Variants in TMEM63C observed in about 807,000 individuals in gnomAD.
TMEM63C encodes the protein transmembrane protein 63C, also known as osmosensitive cation channel TMEM63C.
Under a neutral mutation model 99.2 loss-of-function variants are expected in TMEM63C, and 32 were observed. That is an observed-to-expected ratio of 0.32 (90% CI 0.24 to 0.43). The LOEUF (loss-of-function observed/expected upper bound fraction) is 0.43, where lower values mean the gene tolerates loss of function less well. Ranked by LOEUF, TMEM63C falls within the 20% of genes least tolerant of loss-of-function variation. TMEM63C has a pLI of 1.00. For missense variants in TMEM63C, 826 were observed against 1,053.0 expected (o/e 0.78, Z 2.98); for synonymous variants, 376 against 397.9 (o/e 0.94, Z 0.66).
chr14:77,207,542 G>A (rs1318122232), intron 1 of TMEM63C, among the ~76,000 whole-genome samples: 1 of 152,242 alleles, frequency 6.6e-6, no homozygotes, highest in Non-Finnish European at 1.5e-5. Flanking sequence ...TTCGGAGGCT[G>A]CGTGATGTAG....
intron 1 of TMEM63C, among the ~76,000 whole-genome samples, chr14:77,187,226 C>T (rs1392273745): frequency 6.6e-6 from 1 of 152,204 alleles, no homozygotes; most frequent in East Asian, 1.9e-4. Context: ...TGCCGTCCTC[C>T]CAAGCACAGC....
At chr14:77,224,341 T>G (rs981999069) in intron 5 of TMEM63C, among the ~76,000 whole-genome samples, 6 of 152,084 alleles carry the variant, frequency 3.9e-5, no homozygotes, top group Non-Finnish European at 7.4e-5. Context: ...TGATAGTTGC[T>G]TCCTTTTGGG....
intron 5 of TMEM63C, among the ~76,000 whole-genome samples, chr14:77,225,005 G>T (rs977953343): frequency 6.6e-6 from 1 of 152,150 alleles, no homozygotes. Context: ...CTTGGGTAAA[G>T]TTCCCATTGG....
At chr14:77,187,322 C>T (rs72725320) in intron 1 of TMEM63C, among the ~76,000 whole-genome samples, 4 of 152,188 alleles carry the variant, frequency 2.6e-5, no homozygotes, top group Non-Finnish European at 4.4e-5. Flanking sequence ...AAGAGAAGGT[C>T]GTGCGTTTCT....
intron 1 of TMEM63C, chr14:77,201,005 C>G (rs1594851415): frequency 8.1e-6 from 1 of 123,080 alleles, no homozygotes; most frequent in Admixed American, 9.0e-5. Context: ...TTTTTGGTAA[C>G]AGTTTAATAA....
chr14:77,246,529 G>T, intron 17 of TMEM63C, 80 bp from the exon 18 acceptor site: 1 of 1,227,332 alleles, frequency 8.1e-7, no homozygotes, highest in Non-Finnish European at 1.2e-6. Context: ...TTTGGAGATT[G>T]GGCAAGGGAG....
intron 21 of TMEM63C, among the ~76,000 whole-genome samples, chr14:77,250,028 T>C (rs1165668865): frequency 6.6e-6 from 1 of 152,068 alleles, no homozygotes; most frequent in Non-Finnish European, 1.5e-5. Context: ...AGAGATGAGG[T>C]CTCACTATGT....
chr14:77,242,295 C>G, intron 13 of TMEM63C, 52 bp from the exon 14 acceptor site: 2 of 1,596,228 alleles, frequency 1.3e-6, no homozygotes, highest in Non-Finnish European at 1.7e-6. Flanking sequence ...CCTCCTAAGC[C>G]CATCCCCCCA....
chr14:77,241,504 A>AG (rs1232523682), intron 13 of TMEM63C, among the ~76,000 whole-genome samples: 2 of 151,988 alleles, frequency 1.3e-5, no homozygotes, highest in Non-Finnish European at 2.9e-5. Context: ...TGTGGGGGGC[A>AG]GGGGGGCTCT....
chr14:77,194,644 A>C (rs777032793), intron 1 of TMEM63C, among the ~76,000 whole-genome samples: 118 of 150,562 alleles, frequency 7.8e-4, no homozygotes, highest in Non-Finnish European at 1.2e-3. Context: ...CACTATCATG[A>C]CTCACTGAAG....
intron 1 of TMEM63C, among the ~76,000 whole-genome samples, chr14:77,208,100 G>C (rs1448232959): frequency 3.3e-5 from 5 of 152,164 alleles, no homozygotes; most frequent in Admixed American, 2.6e-4. Context: ...GAACCTGCCT[G>C]GTCTTTGTAC....
At position 77,240,571 on chromosome 14, in the gene TMEM63C, A is replaced by G; in HGVS notation, c.1027A>G (p.Ile343Val). ...NRVPLKRLDL[I>V]FVTFQDSRMA... is the part of the protein sequence containing the mutation. Reference sequence around the variant, plus strand: ...CGTGCCGCTCAAGCGGCTGGACCTGATCTTTGTCACCTTCCAGGACTCCAG... The same window carrying G: ...CGTGCCGCTCAAGCGGCTGGACCTGGTCTTTGTCACCTTCCAGGACTCCAG... The change falls in exon 13 of 24, where the codon ATC becomes GTC. Residue 343 changes from isoleucine (I) to valine (V), a missense_variant. Physicochemically the swap from Ile to Val is conservative, Grantham distance 29. Transcript: ENST00000298351. 1 of 1,611,420 alleles carries G rather than the reference A, an allele frequency of 6.2e-7. No homozygotes were observed. Among genetic ancestry groups the G allele is most frequent in the Non-Finnish European group, 8.5e-7 (1 of 1,179,844 alleles).
chr14:77,214,105 C>T (rs1888539431), intron 2 of TMEM63C, among the ~76,000 whole-genome samples: 1 of 152,150 alleles, frequency 6.6e-6, no homozygotes, highest in African/African-American at 2.4e-5. Flanking sequence ...CCCTCCCCAA[C>T]TCCTGAAACC....
intron 18 of TMEM63C, among the ~76,000 whole-genome samples, chr14:77,248,028 C>T (rs1445766638): frequency 3.3e-5 from 5 of 152,188 alleles, no homozygotes; most frequent in Admixed American, 1.3e-4. Context: ...TGGATTCTCC[C>T]GAGTCTTTGG....
intron 12 of TMEM63C, 26 bp downstream of exon 12, chr14:77,239,752 C>T: frequency 6.2e-7 from 1 of 1,610,328 alleles, no homozygotes; most frequent in African/African-American, 1.3e-5. Flanking sequence ...GTTGGGAGCA[C>T]AGCAAGGGAG....
In TMEM63C at chr14:77,196,833, G is replaced by A. The variant is rs79161765; in HGVS notation, c.-77+14939G>A. On this transcript the variant is annotated intron_variant, in intron 1 of 23. Coordinates refer to ENST00000298351, the MANE Select transcript of TMEM63C (RefSeq NM_020431.4). Reference sequence around the variant, plus strand: ...TCAGGTGTAATCTTGTCAAAACAGCGCGGGAAGCCCTTTGGCTTCAGACAG... The same window carrying A: ...TCAGGTGTAATCTTGTCAAAACAGCACGGGAAGCCCTTTGGCTTCAGACAG... Among the ~76,000 whole-genome samples, 681 of 152,278 alleles carry A rather than the reference G, an allele frequency of 4.5e-3. 9 individuals are homozygous for A. The highest frequency in any genetic ancestry group is 0.016 in the African/African-American group (650 of 41,546).
chr14:77,253,438 G>T, intron 23 of TMEM63C, 62 bp downstream of exon 23: 1 of 1,488,376 alleles, frequency 6.7e-7, no homozygotes, highest in Non-Finnish European at 9.2e-7. Context: ...GTCTACTCTA[G>T]TGGCATTGTG....
chr14:77,231,510 C>T (rs1457085841), intron 6 of TMEM63C, 78 bp from the exon 7 acceptor site: 6 of 1,493,690 alleles, frequency 4.0e-6, no homozygotes, highest in Non-Finnish European at 5.5e-6. Context: ...CATTTTCTGC[C>T]CTTCCCTCTA....
rs770831305 is a variant in TMEM63C, at chr14:77,238,711, G to A, written c.669G>A (p.Met223Ile). 2 of 1,613,850 alleles carry A rather than the reference G, an allele frequency of 1.2e-6. No individual in the cohort carries two copies. The highest frequency in any genetic ancestry group is 1.7e-5 in the Admixed American group (1 of 60,030). Residue 223 changes from methionine (M) to isoleucine (I), a missense_variant, in exon 10 of 24, where the codon ATG becomes ATA. Physicochemically the swap from Met to Ile is conservative, Grantham distance 10. Transcript: ENST00000298351. Reference sequence around the variant, plus strand: ...CCACCCAGGTCACAAGGACACTAATGATCACCTATGTGCCCAAGGACATTG... The same window carrying A: ...CCACCCAGGTCACAAGGACACTAATAATCACCTATGTGCCCAAGGACATTG... ...RNSQKVTRTLMITYVPKDIED... is the reference protein window; with the variant it reads ...RNSQKVTRTLIITYVPKDIED...
Sources: allele counts gnomAD v4.1 joint callset (sites outside exome capture counted in the v4.1 genomes callset), GRCh38; gene constraint gnomAD v4.1.1; transcripts MANE v1.5; gene names NCBI Gene and HGNC (gene_info 2026-07-23, HGNC 2026-07-21).